Variants in LBP observed in about 807,000 individuals in gnomAD.
LBP encodes the protein lipopolysaccharide binding protein, also known as lipopolysaccharide-binding protein.
A neutral mutation model predicts 56.6 loss-of-function variants in LBP; 53 were observed. That is an observed-to-expected ratio of 0.94 (90% CI 0.75 to 1.18). The LOEUF is 1.18. Ranked by LOEUF, LBP falls within the 50% of genes most tolerant of loss-of-function variation. The pLI, the probability that LBP is intolerant of heterozygous loss-of-function variation, is 0.00. For missense variants in LBP, 601 were observed against 598.3 expected (o/e 1.00, Z -0.05); for synonymous variants, 227 against 247.5 (o/e 0.92, Z 0.78).
intron 13 of LBP, among the ~76,000 whole-genome samples, chr20:38,373,650 C>T (rs1335100726): frequency 6.6e-6 from 1 of 152,210 alleles, no homozygotes; most frequent in Non-Finnish European, 1.5e-5. Context: ...GTGCTTCCTC[C>T]AGACAGCACC....
chr20:38,365,554 G>A (rs564115349), intron 8 of LBP, among the ~76,000 whole-genome samples: 33 of 151,646 alleles, frequency 2.2e-4, no homozygotes, highest in Middle Eastern at 3.4e-3. Context: ...AAAATTAGCT[G>A]GGCATGGTGG....
chr20:38,362,545 G>A (rs577602844), intron 6 of LBP, among the ~76,000 whole-genome samples: 5 of 151,246 alleles, frequency 3.3e-5, no homozygotes, highest in South Asian at 4.2e-4. Context: ...CCTGGGAGGC[G>A]GAGTTTGCGG....
At chr20:38,351,857 C>A in intron 3 of LBP, among the ~76,000 whole-genome samples, 1 of 151,954 alleles carries the variant, frequency 6.6e-6, no homozygotes, top group Non-Finnish European at 1.5e-5. Flanking sequence ...TCAGTCTCTA[C>A]TAAAAATGAA....
intron 5 of LBP, among the ~76,000 whole-genome samples, chr20:38,357,435 C>T (rs1000475473): frequency 5.3e-5 from 8 of 152,204 alleles, no homozygotes; most frequent in African/African-American, 1.7e-4. Flanking sequence ...TAATTCCCCA[C>T]TCAGGGTGGG....
At chr20:38,353,227 A>T (rs964629855) in intron 3 of LBP, among the ~76,000 whole-genome samples, 1 of 152,208 alleles carries the variant, frequency 6.6e-6, no homozygotes, top group Non-Finnish European at 1.5e-5. Context: ...AGTGGCATGT[A>T]GTACATTCAC....
At chr20:38,350,268 A>G (rs1216820914) in intron 2 of LBP, among the ~76,000 whole-genome samples, 1 of 152,196 alleles carries the variant, frequency 6.6e-6, no homozygotes, top group African/African-American at 2.4e-5. Context: ...TCAGTCCATC[A>G]GCAAAAATCT....
At chr20:38,347,791 A>C (rs1454413104) in intron 1 of LBP, among the ~76,000 whole-genome samples, 1 of 152,166 alleles carries the variant, frequency 6.6e-6, no homozygotes, top group Non-Finnish European at 1.5e-5. Context: ...GGAGGCAGAC[A>C]TTGGCAGCTG....
At chr20:38,368,919 T>A in intron 9 of LBP, 76 bp from the exon 10 acceptor site, 1 of 1,437,118 alleles carries the variant, frequency 7.0e-7, no homozygotes. Context: ...TCCAGCTTTA[T>A]CTGACTCCCT....
rs1008683730 is a variant in LBP at position 38,376,944 on chromosome 20, C to T, written c.*275C>T. The T allele has an allele frequency of 8.4e-6, 5 of 594,990 alleles. No homozygotes were observed. The African/African-American group carries it at 9.2e-5, about 11-fold the overall frequency. The allele number at this position is 594,990 out of a possible 1,614,324, so 36.9% of individuals were successfully genotyped here. On this transcript the variant is annotated 3_prime_UTR_variant, in exon 15 of 15. Coordinates refer to ENST00000217407, the MANE Select transcript of LBP (RefSeq NM_004139.5). ...GCAGGCACTGTATTTTTTTATTCGC[C>T]ATCTGATCCCCATGCCTAGCAGAGT...
intron 5 of LBP, among the ~76,000 whole-genome samples, chr20:38,358,733 A>G (rs2076849606): frequency 6.6e-6 from 1 of 152,212 alleles, no homozygotes; most frequent in Non-Finnish European, 1.5e-5. Flanking sequence ...CCTTCAGCAC[A>G]GAAGCCATCT....
intron 3 of LBP, among the ~76,000 whole-genome samples, chr20:38,352,973 C>G (rs1211836891): frequency 3.9e-5 from 6 of 152,036 alleles, no homozygotes; most frequent in African/African-American, 1.2e-4. Flanking sequence ...GTGTGGCTCT[C>G]ATTCTATTGC....
intron 5 of LBP, 56 bp from the exon 6 acceptor site, chr20:38,360,648 G>C (rs1780624): frequency 0.47 from 575,945 of 1,224,690 alleles, 139,456 homozygotes; most frequent in Non-Finnish European, 0.5. Flanking sequence ...TGATCAGCAC[G>C]GGGCCAGACC....
intron 1 of LBP, among the ~76,000 whole-genome samples, chr20:38,347,427 C>T (rs1029922930): frequency 3.9e-5 from 6 of 151,970 alleles, no homozygotes; most frequent in African/African-American, 1.5e-4. Flanking sequence ...AACTGTAATC[C>T]CAGCTACTTG....
Position 38,364,559 on chromosome 20 carries a change from C to T in LBP, c.745-17C>T. 1 of 1,613,570 alleles carries T rather than the reference C, an allele frequency of 6.2e-7. No individual in the cohort carries two copies. Among genetic ancestry groups the T allele is most frequent in the Non-Finnish European group, 8.5e-7 (1 of 1,179,714 alleles). On this transcript the variant is annotated splice_polypyrimidine_tract_variant and intron_variant, in intron 7 of 14. Coordinates refer to ENST00000217407, the MANE Select transcript of LBP (RefSeq NM_004139.5). ...TAGGCTTTGAAAAGTCCAATTGGAC[C>T]CTATTTCCCTCTCCAGGGTGAAATC...
rs1408698130 is a variant in LBP at position 38,364,136 on chromosome 20, G to T, written c.744+70G>T. The T allele has an allele frequency of 2.9e-6, 3 of 1,043,460 alleles. No homozygotes were observed. In the African/African-American group the frequency reaches 4.7e-5, roughly 16 times the overall value. The allele number at this position is 1,043,460 out of a possible 1,614,324, so 64.6% of individuals were successfully genotyped here. A position where few individuals can be genotyped will look rare whatever the true frequency, so the allele number is the denominator to read the frequency against. ...GGGTCAGCCATTCTTTGGGCCACCTGTCCCCCCAACTTCAGATCTGTCCTC... is the reference window on the plus strand; with the variant it reads ...GGGTCAGCCATTCTTTGGGCCACCTTTCCCCCCAACTTCAGATCTGTCCTC... On this transcript the variant is annotated intron_variant, in intron 7 of 14. Coordinates refer to ENST00000217407, the MANE Select transcript of LBP (RefSeq NM_004139.5).
chr20:38,374,315 C>A (rs1306348065), intron 14 of LBP, among the ~76,000 whole-genome samples: 1 of 152,274 alleles, frequency 6.6e-6, no homozygotes, highest in Admixed American at 6.5e-5. Context: ...GAAAATACTG[C>A]GGGCCGGGTG....
intron 4 of LBP, 43 bp from the exon 5 acceptor site, chr20:38,355,302 CG>C: frequency 1.3e-6 from 2 of 1,589,892 alleles, no homozygotes; most frequent in Non-Finnish European, 1.7e-6. Context: ...CCCAGGCACC[CG>C]GCCATCCCCA....
rs758996865 is a variant in LBP at position 38,376,658 on chromosome 20, A to C, written c.1435A>C (p.Met479Leu). The stretch of plus-strand genomic sequence containing the variant: ...GTTCTTGGGTGCCAATGTCCAATAC[A>C]TGAGAGTTTGAGGACAAGAAAGATG... Reference protein sequence around the residue: ...FLFLGANVQYMRV With the variant: ...FLFLGANVQYLRV The change falls in exon 15 of 15, where the codon ATG becomes CTG. Residue 479 changes from methionine to leucine, a missense_variant. Met to Leu is a conservative substitution (Grantham distance 15, BLOSUM62 2). Transcript: ENST00000217407. 18 of 1,613,860 alleles carry C rather than the reference A, an allele frequency of 1.1e-5. No individual in the cohort carries two copies. In the South Asian group the frequency reaches 1.4e-4, roughly 13 times the overall value.
At chr20:38,348,972 T>G (rs1437486190) in intron 1 of LBP, among the ~76,000 whole-genome samples, 1 of 152,104 alleles carries the variant, frequency 6.6e-6, no homozygotes, top group Non-Finnish European at 1.5e-5. Flanking sequence ...TTTTGTATTT[T>G]TTAGCAGAGA....
Sources: gnomAD v4.1 joint callset for allele counts (sites outside exome capture counted in the v4.1 genomes callset) on GRCh38, gnomAD v4.1.1 for gene constraint, MANE v1.5 for transcripts, NCBI Gene and HGNC (gene_info 2026-07-23, HGNC 2026-07-21) for gene names.